Variants in IFIH1 observed in about 807,000 individuals in gnomAD.
IFIH1 encodes the protein interferon induced with helicase C domain 1, also known as interferon-induced helicase C domain-containing protein 1.
In IFIH1, 125 loss-of-function variants were observed where a neutral mutation model predicts 107.4. The ratio of observed to expected loss-of-function variants is 1.16; its 90% confidence interval spans 1.01 to 1.35. The LOEUF is 1.35. Among genes scored for constraint, IFIH1 ranks in the 40% most tolerant of loss-of-function variants. IFIH1 has a pLI of 0.00. For missense variants in IFIH1, 1,333 were observed against 1,213.7 expected (o/e 1.10, Z -1.46); for synonymous variants, 458 against 413.2 (o/e 1.11, Z -1.31).
chr2:162,315,176 A>T (rs1683465985), intron 1 of IFIH1, among the ~76,000 whole-genome samples: 1 of 152,184 alleles, frequency 6.6e-6, no homozygotes. Context: ...GCCTTCAAAA[A>T]AGCAAATTTG....
At chr2:162,306,139 A>G (rs1683277340) in intron 3 of IFIH1, among the ~76,000 whole-genome samples, 1 of 152,224 alleles carries the variant, frequency 6.6e-6, no homozygotes, top group Non-Finnish European at 1.5e-5. Flanking sequence ...AAGGGAAAAA[A>G]TAATTAAATA....
intron 13 of IFIH1, among the ~76,000 whole-genome samples, chr2:162,269,769 C>T (rs13408115): frequency 1.3e-5 from 2 of 152,124 alleles, no homozygotes; most frequent in East Asian, 3.8e-4. Context: ...TCTAACTCTA[C>T]ATTTTAGATC....
chr2:162,294,067 G>A (rs1558871404), intron 3 of IFIH1, among the ~76,000 whole-genome samples: 1 of 151,788 alleles, frequency 6.6e-6, no homozygotes, highest in African/African-American at 2.4e-5. Flanking sequence ...AAATGATAGG[G>A]AATTAATAAA....
chr2:162,298,491 T>C (rs1048823692), intron 3 of IFIH1, among the ~76,000 whole-genome samples: 2 of 152,114 alleles, frequency 1.3e-5, no homozygotes, highest in African/African-American at 4.8e-5. Flanking sequence ...TCATGTTTAT[T>C]CTAGTTCTGA....
At chr2:162,311,704 G>A (rs1439345384) in intron 1 of IFIH1, among the ~76,000 whole-genome samples, 1 of 152,014 alleles carries the variant, frequency 6.6e-6, no homozygotes, top group Non-Finnish European at 1.5e-5. Flanking sequence ...ATAGCAATAA[G>A]GATTTGGAGG....
chr2:162,267,170 T>TC lies in IFIH1; in HGVS notation c.*29_*30insG. On this transcript the variant is annotated 3_prime_UTR_variant, in exon 16 of 16. Transcript: ENST00000649979. ...ATAATCATATTAAATGTTTAACTGA[T>TC]AGTATTTTAAAAGAATCTTCAATCA... The TC allele has an allele frequency of 1.4e-6, 2 of 1,412,482 alleles. No individual in the cohort carries two copies. Among genetic ancestry groups the TC allele is most frequent in the Non-Finnish European group, 1.9e-6 (2 of 1,030,330 alleles). 87.5% of individuals were successfully genotyped at this position (1,412,482 alleles called of 1,614,324 possible). A position where few individuals can be genotyped will look rare whatever the true frequency, so the allele number is the denominator to read the frequency against.
At chr2:162,279,470 A>G (rs1297986746) in intron 8 of IFIH1, among the ~76,000 whole-genome samples, 2 of 152,228 alleles carry the variant, frequency 1.3e-5, no homozygotes, top group East Asian at 1.9e-4. Flanking sequence ...GTTTATTCTT[A>G]TAATTCCTGA....
intron 6 of IFIH1, among the ~76,000 whole-genome samples, chr2:162,281,947 GA>G: frequency 6.6e-6 from 1 of 151,932 alleles, no homozygotes; most frequent in Non-Finnish European, 1.5e-5. Context: ...ACTATTTAAA[GA>G]GGGAAAATTT....
At position 162,273,846 on chromosome 2, in the gene IFIH1, A is replaced by G. The variant is rs574965122; in HGVS notation, c.2403T>C (p.Cys801=). 4 of 1,611,348 alleles carry G rather than the reference A, an allele frequency of 2.5e-6. No homozygotes were observed. The highest frequency in any genetic ancestry group is 3.4e-6 in the Non-Finnish European group (4 of 1,178,238). ...CGAGACCATAACGGATAACAATGTT[A>G]CATTCTTTAATATCCAGACCTTCTT... ...VAEEGLDIKE[C]NIVIRYGLVT... Residue 801 remains cysteine, a synonymous_variant, in exon 12 of 16, where the codon TGT becomes TGC. Transcript: ENST00000649979.
Position 162,306,737 on chromosome 2 carries a change from T to A in IFIH1, c.741A>T (p.Ser247=). ...AAACTACAGAAGAATCTGCAAAAGA[T>A]GATTCTGATGAGTTATTCTCCATGC... ...VWGMENNSSE[S]SFADSSVVSE... Residue 247 remains serine, a synonymous_variant, in exon 3 of 16, where the codon TCA becomes TCT. Transcript: ENST00000649979. 1 of 1,613,882 alleles carries A rather than the reference T, an allele frequency of 6.2e-7. No individual in the cohort carries two copies. The highest frequency in any genetic ancestry group is 1.1e-5 in the South Asian group (1 of 91,070).
At chr2:162,275,811 C>T (rs1691141441) in intron 11 of IFIH1, among the ~76,000 whole-genome samples, 1 of 152,008 alleles carries the variant, frequency 6.6e-6, no homozygotes, top group African/African-American at 2.4e-5. Flanking sequence ...TTTTTTCTTA[C>T]CCAAGTGTTT....
In IFIH1 at chr2:162,273,806, C is replaced by T. The variant is rs745774513; in HGVS notation, c.2443G>A (p.Ala815Thr). The T allele has an allele frequency of 1.9e-6, 3 of 1,591,290 alleles. No individual in the cohort carries two copies. Among genetic ancestry groups the T allele is most frequent in the African/African-American group, 1.4e-5 (1 of 73,770 alleles). ...IRYGLVTNEI[A>T]MVQARGRARA... is the part of the protein sequence containing the mutation. ...GTATTTGAATGTACCTGGACCATGG[C>T]TATTTCATTGGTGACGAGACCATAA... The change falls in exon 12 of 16, where the codon GCC (alanine) becomes ACC (threonine). Residue 815 changes from alanine (A) to threonine (T), a missense_variant. Coordinates refer to ENST00000649979, the MANE Select transcript of IFIH1 (RefSeq NM_022168.4).
chr2:162,308,356 G>T (rs1009645557), intron 2 of IFIH1, among the ~76,000 whole-genome samples: 2 of 151,566 alleles, frequency 1.3e-5, no homozygotes, highest in East Asian at 1.9e-4. Flanking sequence ...TCAGATTAAG[G>T]CCCCATTCTT....
At chr2:162,277,737 A>G (rs1214788249) in intron 9 of IFIH1, 44 bp from the exon 10 acceptor site, 1 of 1,555,322 alleles carries the variant, frequency 6.4e-7, no homozygotes, top group South Asian at 1.3e-5. Context: ...AAGCATATAA[A>G]CCCCCTAAAA....
intron 4 of IFIH1, among the ~76,000 whole-genome samples, chr2:162,292,538 T>G (rs944302183): frequency 2.0e-5 from 3 of 151,894 alleles, no homozygotes; most frequent in African/African-American, 7.2e-5. Context: ...GATGACAATC[T>G]TTCTATAAAC....
chr2:162,275,569 T>A (rs1178368579), intron 11 of IFIH1, among the ~76,000 whole-genome samples: 3 of 152,290 alleles, frequency 2.0e-5, no homozygotes, highest in South Asian at 2.1e-4. Context: ...CAGGAGTGCA[T>A]GTAGAGGGTA....
At chr2:162,272,059 A>G (rs1260356206) in intron 13 of IFIH1, among the ~76,000 whole-genome samples, 167 bp downstream of exon 13, 3 of 152,164 alleles carry the variant, frequency 2.0e-5, no homozygotes, top group Non-Finnish European at 4.4e-5. Context: ...CCTGCCCACC[A>G]TGGATCTTGA....
Position 162,318,278 on chromosome 2 carries a change from A to T in IFIH1, c.30T>A (p.Asn10Lys). 1.2e-6 allele frequency: 2 copies of T among 1,613,876 alleles called. No individual in the cohort carries two copies. Among genetic ancestry groups the T allele is most frequent in the Non-Finnish European group, 1.7e-6 (2 of 1,179,854 alleles). The change falls in exon 1 of 16, where the codon AAT (asparagine) becomes AAA (lysine). Residue 10 changes from asparagine (N) to lysine (K), a missense_variant. Physicochemically the swap from Asn to Lys is moderately conservative, Grantham distance 94. Transcript: ENST00000649979. The stretch of plus-strand genomic sequence containing the variant: ...TGAAGCACGAGATGAGATAGCGGAA[A>T]TTCTCGTCTGTGGAATACCCATTCG... MSNGYSTDE[N>K]FRYLISCFRA...
intron 4 of IFIH1, among the ~76,000 whole-genome samples, chr2:162,290,851 T>A (rs1314882022): frequency 6.6e-6 from 1 of 151,880 alleles, no homozygotes; most frequent in Non-Finnish European, 1.5e-5. Context: ...TTCAGCCTGA[T>A]TCTTGCCTTA....
Sources: gnomAD v4.1 joint callset for allele counts (sites outside exome capture counted in the v4.1 genomes callset) on GRCh38, gnomAD v4.1.1 for gene constraint, MANE v1.5 for transcripts, NCBI Gene and HGNC (gene_info 2026-07-23, HGNC 2026-07-21) for gene names.